Variants in KHDRBS2 observed in about 807,000 individuals in gnomAD.
KHDRBS2 encodes the protein KH RNA binding domain containing, signal transduction associated 2.
Under a neutral mutation model 44.3 loss-of-function variants are expected in KHDRBS2, and 26 were observed. The ratio of observed to expected loss-of-function variants is 0.59; its 90% CI spans 0.43 to 0.81. The LOEUF (loss-of-function observed/expected upper bound fraction) is 0.81, where lower values mean the gene tolerates loss of function less well. Among genes scored for constraint, KHDRBS2 ranks in the 40% least tolerant of loss-of-function variants. The pLI, the probability that KHDRBS2 is intolerant of heterozygous loss-of-function variation, is 0.00. For synonymous variants in KHDRBS2, 194 were observed against 151.1 expected, an observed-to-expected ratio of 1.28 and a Z score of -2.08; for missense variants, 476 against 433.1, an observed-to-expected ratio of 1.10 and a Z score of -0.88.
At chr6:61,908,867 C>T (rs1444892007) in intron 4 of KHDRBS2, among the ~76,000 whole-genome samples, 1 of 152,032 alleles carries the variant, frequency 6.6e-6, no homozygotes, top group Non-Finnish European at 1.5e-5. Flanking sequence ...GTAAAGAATG[C>T]TTTACTGTTT....
intron 1 of KHDRBS2, among the ~76,000 whole-genome samples, chr6:62,246,645 G>C (rs1835626697): frequency 6.6e-6 from 1 of 151,994 alleles, no homozygotes; most frequent in Admixed American, 6.6e-5. Flanking sequence ...TGCTGACAAA[G>C]TAGGAATAGA....
chr6:61,657,377 T>C, the KHDRBS2 span, among the ~76,000 whole-genome samples: 7 of 151,996 alleles, frequency 4.6e-5, no homozygotes, highest in Admixed American at 6.6e-5. Flanking sequence ...TTTCACCCTA[T>C]GAAACTGTTT....
At chr6:61,854,860 TG>T (rs1037386782) in intron 6 of KHDRBS2, among the ~76,000 whole-genome samples, 1 of 152,160 alleles carries the variant, frequency 6.6e-6, no homozygotes, top group African/African-American at 2.4e-5. Flanking sequence ...TTGATGCATA[TG>T]GTGCCTTTTG....
the KHDRBS2 span, among the ~76,000 whole-genome samples, chr6:61,665,195 T>A: frequency 1.3e-5 from 2 of 151,562 alleles, no homozygotes; most frequent in Non-Finnish European, 3.0e-5. Flanking sequence ...AATTTTCATA[T>A]GTCAGAAATT....
At chr6:62,022,425 T>C (rs1436030691) in intron 3 of KHDRBS2, among the ~76,000 whole-genome samples, 1 of 151,656 alleles carries the variant, frequency 6.6e-6, no homozygotes, top group African/African-American at 2.4e-5. Flanking sequence ...AACTGGAGAG[T>C]GTGTTTTCTG....
the KHDRBS2 span, among the ~76,000 whole-genome samples, chr6:61,569,864 TA>T: frequency 6.6e-6 from 1 of 152,096 alleles, no homozygotes; most frequent in Non-Finnish European, 1.5e-5. Context: ...GTCCCATCCC[TA>T]GGGGAAAGAC....
rs559876296 is a variant in KHDRBS2 at position 62,225,742 on chromosome 6, G to T, written c.92-48430C>A. Among the ~76,000 whole-genome samples, 223 of 145,300 alleles carry T rather than the reference G, an allele frequency of 1.5e-3. 1 individual carries two copies. Among genetic ancestry groups the T allele is most frequent in the African/African-American group, 5.6e-3 (216 of 38,740 alleles). On this transcript the variant is annotated intron_variant, in intron 1 of 8. Transcript: ENST00000281156. ...GTGTTTTTCCTCTCCCTTTGTCCAT[G>T]TGTTCTCATTGTTCAACTGCCACTT...
chr6:62,031,943 C>T (rs1349643910), intron 3 of KHDRBS2, among the ~76,000 whole-genome samples: 2 of 152,080 alleles, frequency 1.3e-5, no homozygotes, highest in Non-Finnish European at 2.9e-5. Context: ...TAGCACCTTG[C>T]TGGCTTCAGG....
chr6:62,044,712 G>A (rs1787296815), intron 3 of KHDRBS2, among the ~76,000 whole-genome samples: 1 of 152,018 alleles, frequency 6.6e-6, no homozygotes, highest in Admixed American at 6.6e-5. Flanking sequence ...AGCCCCTCAT[G>A]TGGCTTCAGT....
chr6:61,729,192 C>G (rs1233325204), intron 7 of KHDRBS2, among the ~76,000 whole-genome samples: 1 of 152,048 alleles, frequency 6.6e-6, no homozygotes, highest in Non-Finnish European at 1.5e-5. Flanking sequence ...ATGGATGGAG[C>G]TGGGGGCCAT....
the KHDRBS2 span, among the ~76,000 whole-genome samples, chr6:61,558,908 C>A: frequency 2.0e-5 from 3 of 152,042 alleles, no homozygotes; most frequent in Non-Finnish European, 2.9e-5. Flanking sequence ...TTGGTTGAAA[C>A]GTTTTGTAAA....
chr6:62,080,665 C>T (rs535895369), intron 2 of KHDRBS2, among the ~76,000 whole-genome samples: 1 of 152,062 alleles, frequency 6.6e-6, no homozygotes, highest in Non-Finnish European at 1.5e-5. Context: ...TCCATTTAGA[C>T]CCACTGACTA....
At chr6:62,030,919 C>G (rs138774079) in intron 3 of KHDRBS2, among the ~76,000 whole-genome samples, 83 of 152,000 alleles carry the variant, frequency 5.5e-4, no homozygotes, top group African/African-American at 1.9e-3. Flanking sequence ...GTAAATAAAT[C>G]GTGGTATAGG....
At chr6:61,953,772 A>G (rs1442269198) in intron 4 of KHDRBS2, among the ~76,000 whole-genome samples, 1 of 152,126 alleles carries the variant, frequency 6.6e-6, no homozygotes, top group Non-Finnish European at 1.5e-5. Flanking sequence ...CTCTCTGCCT[A>G]CTTAGAAGAT....
chr6:61,699,886 A>G (rs909011798), intron 7 of KHDRBS2, among the ~76,000 whole-genome samples: 1 of 151,900 alleles, frequency 6.6e-6, no homozygotes, highest in Non-Finnish European at 1.5e-5. Context: ...AATTATGGTA[A>G]TGTGTTCTCT....
At chr6:62,087,015 T>C (rs1798519994) in intron 2 of KHDRBS2, among the ~76,000 whole-genome samples, 1 of 150,790 alleles carries the variant, frequency 6.6e-6, no homozygotes. Flanking sequence ...CAATCCACTA[T>C]ATTGTTTAAC....
At chr6:61,960,831 T>C (rs1768523814) in intron 4 of KHDRBS2, among the ~76,000 whole-genome samples, 1 of 152,104 alleles carries the variant, frequency 6.6e-6, no homozygotes, top group African/African-American at 2.4e-5. Context: ...GTAGAAGAAT[T>C]CCAATGAGGT....
intron 6 of KHDRBS2, among the ~76,000 whole-genome samples, chr6:61,825,658 C>A (rs1376194321): frequency 1.3e-5 from 2 of 152,076 alleles, no homozygotes; most frequent in South Asian, 4.1e-4. Context: ...TGTGGTCATG[C>A]AACAAGTCCC....
At chr6:61,628,908 T>C in the KHDRBS2 span, among the ~76,000 whole-genome samples, 1 of 152,216 alleles carries the variant, frequency 6.6e-6, no homozygotes, top group African/African-American at 2.4e-5. Flanking sequence ...ATGTAATAGA[T>C]GCATACGTTT....
Sources: allele counts gnomAD v4.1 joint callset (sites outside exome capture counted in the v4.1 genomes callset), GRCh38; gene constraint gnomAD v4.1.1; transcripts MANE v1.5; gene names NCBI Gene and HGNC (gene_info 2026-07-23, HGNC 2026-07-21).